Variants in ACSF2 observed in about 807,000 individuals in gnomAD.
The protein encoded by ACSF2 is medium-chain acyl-CoA ligase ACSF2, mitochondrial.
ACSF2 carries 52 observed loss-of-function variants against 79.3 expected under a neutral mutation model. That is an observed-to-expected ratio of 0.66 (90% CI 0.53 to 0.83). The LOEUF is 0.83. Ranked by LOEUF, ACSF2 falls within the 40% of genes least tolerant of loss-of-function variation. The probability of loss-of-function intolerance (pLI) is 0.00; values close to 1 mark genes in which losing one functional copy is unlikely to be tolerated. For missense variants in ACSF2, 661 were observed against 803.3 expected (o/e 0.82, Z 2.14); for synonymous variants, 283 against 312.6 (o/e 0.91, Z 1.00).
intron 10 of ACSF2, chr17:50,469,926 C>CA (rs747760100): frequency 3.4e-4 from 52 of 152,720 alleles, no homozygotes; most frequent in Middle Eastern, 3.3e-3. Context: ...TCTGTGTGCC[C>CA]ACTTGCCAGC....
chr17:50,472,394 T>C (rs765297274), intron 11 of ACSF2, 34 bp from the exon 12 acceptor site: 4 of 1,600,808 alleles, frequency 2.5e-6, no homozygotes, highest in African/African-American at 1.3e-5. Flanking sequence ...AGCAAGAGGA[T>C]AGGAAGCCCC....
At chr17:50,445,965 A>G (rs987132318) in intron 1 of ACSF2, among the ~76,000 whole-genome samples, 2 of 152,230 alleles carry the variant, frequency 1.3e-5, no homozygotes, top group African/African-American at 2.4e-5. Context: ...GGCAGGGCTA[A>G]CAGTCACATT....
chr17:50,453,173 G>A (rs1045982273), intron 1 of ACSF2, among the ~76,000 whole-genome samples: 4 of 152,056 alleles, frequency 2.6e-5, no homozygotes, highest in Admixed American at 2.0e-4. Flanking sequence ...TTTACCTGTG[G>A]AATGGGAGTT....
intron 10 of ACSF2, chr17:50,465,129 G>C (rs999698128): frequency 3.5e-4 from 253 of 714,534 alleles, no homozygotes; most frequent in Non-Finnish European, 4.0e-4. Context: ...TCCTGGGCAG[G>C]ACCTTTTCCT....
At chr17:50,458,991 A>G (rs2032179478) in intron 1 of ACSF2, among the ~76,000 whole-genome samples, 1 of 152,142 alleles carries the variant, frequency 6.6e-6, no homozygotes, top group African/African-American at 2.4e-5. Context: ...GGCTTGTTCT[A>G]TCTCTAGTCC....
chr17:50,474,258 T>C lies in ACSF2; in HGVS notation c.1788T>C (p.Ile596=). The change falls in exon 15 of 16, where the codon ATT becomes ATC. Residue 596 remains isoleucine, a synonymous_variant. Coordinates refer to ENST00000300441, the MANE Select transcript of ACSF2 (RefSeq NM_025149.6). This position sits in a 1 kb window ranked among gnomAD's most constrained non-coding sequence, Gnocchi z 4.2. Reference sequence around the variant, plus strand: ...TTGTCACAAACTACCCCCTCACCATTTCAGGAAAGGTGTGTAAGGTGGAGG... The same window carrying C: ...TTGTCACAAACTACCCCCTCACCATCTCAGGAAAGGTGTGTAAGGTGGAGG... ...IVFVTNYPLT[I]SGKIQKFKLR... 6.2e-7 allele frequency: 1 copy of C among 1,614,198 alleles called. No homozygotes were observed. Among genetic ancestry groups the C allele is most frequent in the Non-Finnish European group, 8.5e-7 (1 of 1,180,034 alleles).
chr17:50,451,430 A>G (rs576072954), intron 1 of ACSF2, among the ~76,000 whole-genome samples: 74 of 152,240 alleles, frequency 4.9e-4, no homozygotes, highest in Non-Finnish European at 9.3e-4. Flanking sequence ...ATGCTTGCCA[A>G]CACTTGTTAT....
Position 50,474,571 on chromosome 17 carries a change from C to G in ACSF2, c.*19C>G. 1.9e-6 allele frequency: 3 copies of G among 1,613,706 alleles called. No individual in the cohort carries two copies. Among genetic ancestry groups the G allele is most frequent in the Non-Finnish European group, 2.5e-6 (3 of 1,179,730 alleles). On this transcript the variant is annotated 3_prime_UTR_variant, in exon 16 of 16. Coordinates refer to ENST00000300441, the MANE Select transcript of ACSF2 (RefSeq NM_025149.6). The surrounding 1 kb of genome is among the most constrained non-coding windows in gnomAD (Gnocchi z 4.2). ...TCTGTGAATAAAGCAGCAGGCCTGT[C>G]CTGGCCGGTTGGCTTGACTCTCTCC...
intron 4 of ACSF2, among the ~76,000 whole-genome samples, chr17:50,461,967 CAT>C (rs1317312603): frequency 1.4e-5 from 2 of 146,858 alleles, no homozygotes; most frequent in South Asian, 2.1e-4. Flanking sequence ...TGTCCATCCT[CAT>C]ATGTGATGCA....
At chr17:50,464,772 G>GGGA (rs1555611942) in intron 10 of ACSF2, 2 of 329,872 alleles carry the variant, frequency 6.1e-6, no homozygotes, top group African/African-American at 5.2e-5. Context: ...ATTGACTTGG[G>GGGA]GGGGGGGTCT....
chr17:50,429,641 T>G (rs1915344912), intron 1 of ACSF2, among the ~76,000 whole-genome samples: 1 of 152,048 alleles, frequency 6.6e-6, no homozygotes, highest in South Asian at 2.1e-4. Flanking sequence ...TGCCTCAGCC[T>G]CCCAAGTAGC....
intron 9 of ACSF2, 87 bp from the exon 10 acceptor site, chr17:50,464,131 T>C: frequency 4.9e-6 from 7 of 1,432,354 alleles, no homozygotes; most frequent in Non-Finnish European, 4.9e-6. Context: ...GAAAAGGGAA[T>C]GTTCCTCCCC....
chr17:50,458,342 A>G (rs1206006073), intron 1 of ACSF2, among the ~76,000 whole-genome samples: 2 of 151,044 alleles, frequency 1.3e-5, no homozygotes, highest in Non-Finnish European at 3.0e-5. Flanking sequence ...AGTTCCAGTC[A>G]CCCTCCCGTT....
At chr17:50,435,370 C>T (rs911129780) in intron 1 of ACSF2, among the ~76,000 whole-genome samples, 6 of 151,902 alleles carry the variant, frequency 3.9e-5, no homozygotes, top group Non-Finnish European at 8.8e-5. Context: ...TTTTTTCATC[C>T]TCTTAAAAGG....
At chr17:50,469,709 A>C (rs2143791732) in intron 10 of ACSF2, among the ~76,000 whole-genome samples, 1 of 151,820 alleles carries the variant, frequency 6.6e-6, no homozygotes, top group African/African-American at 2.4e-5. Flanking sequence ...CCCCAACCCT[A>C]GTGGTCAGGA....
Position 50,426,301 on chromosome 17 carries a change from T to G in ACSF2, c.40T>G (p.Cys14Gly), listed in dbSNP as rs1914967364. 1 of 1,418,966 alleles carries G rather than the reference T, an allele frequency of 7.0e-7. No individual in the cohort carries two copies. 87.9% of individuals were successfully genotyped at this position (1,418,966 alleles called of 1,614,324 possible). The change falls in exon 1 of 16, where the codon TGC (cysteine) becomes GGC (glycine). Residue 14 changes from cysteine to glycine, a missense_variant. Cys to Gly is a radical substitution (Grantham distance 159). Transcript: ENST00000300441. ...CGGGATGCTGCGCCTGGGGAGGCTGTGCGCCGGGAGCTCGGGGGTGCTGGG... is the reference window on the plus strand; with the variant it reads ...CGGGATGCTGCGCCTGGGGAGGCTGGGCGCCGGGAGCTCGGGGGTGCTGGG... ...YVGMLRLGRL[C>G]AGSSGVLGAR... is the part of the protein sequence containing the mutation.
chr17:50,460,516 G>A lies in ACSF2; in HGVS notation c.129-161G>A, dbSNP rs2032265395. 5 of 661,862 alleles carry A rather than the reference G, an allele frequency of 7.6e-6. No individual in the cohort carries two copies. In the Admixed American group the frequency reaches 8.6e-5, roughly 11 times the overall value. The allele number at this position is 661,862 out of a possible 1,614,324, so 41.0% of individuals were successfully genotyped here. ...GGGATTAGGCTTGAGGTTGGGAAAA[G>A]GGTCTGGGGGATTTTAGGCTTACAA... On this transcript the variant is annotated intron_variant, in intron 1 of 15. Transcript: ENST00000300441.
chr17:50,473,289 A>C (rs1158995072), intron 12 of ACSF2: 2 of 202,266 alleles, frequency 9.9e-6, no homozygotes, highest in Non-Finnish European at 2.0e-5. Context: ...CAAACAAAAA[A>C]CACTAAGAAA....
intron 10 of ACSF2, chr17:50,468,841 G>A: frequency 1.4e-6 from 2 of 1,460,652 alleles, no homozygotes; most frequent in Non-Finnish European, 1.8e-6. Context: ...CCGGGGCTGG[G>A]GGCAGCAGCG....
Sources: allele counts gnomAD v4.1 joint callset (sites outside exome capture counted in the v4.1 genomes callset), GRCh38; gene constraint gnomAD v4.1.1; non-coding constraint Gnocchi (gnomAD v3.1); transcripts MANE v1.5; gene names NCBI Gene and HGNC (gene_info 2026-07-23, HGNC 2026-07-21).